DYNC2I2: variants seen among roughly 807,000 people sequenced by gnomAD.
DYNC2I2 encodes dynein 2 intermediate chain 2.
DYNC2I2 carries 39 observed loss-of-function variants against 52.0 expected under a neutral mutation model. That is an observed-to-expected ratio of 0.75 (90% CI 0.58 to 0.98). The LOEUF (loss-of-function observed/expected upper bound fraction) is 0.98. DYNC2I2 is among the 50% of genes least tolerant of loss of function. The pLI, the probability that DYNC2I2 is intolerant of heterozygous loss-of-function variation, is 0.00. For synonymous variants in DYNC2I2, 359 were observed against 321.1 expected (o/e 1.12, Z -1.26); for missense variants, 743 against 728.4 (o/e 1.02, Z -0.23).
chr9:128,679,706 G>A, the DYNC2I2 span, among the ~76,000 whole-genome samples: 1 of 151,440 alleles, frequency 6.6e-6, no homozygotes, highest in African/African-American at 2.4e-5. Flanking sequence ...GAGTGCAGTG[G>A]CGCGATCTCA....
At chr9:128,649,886 A>G (rs1190628148) in intron 1 of DYNC2I2, among the ~76,000 whole-genome samples, 1 of 52,842 alleles carries the variant, frequency 1.9e-5, no homozygotes, top group African/African-American at 3.8e-5. Flanking sequence ...TCAGCTACTA[A>G]GGAGGCTGAG....
At chr9:128,649,724 G>C (rs1489664405) in intron 1 of DYNC2I2, among the ~76,000 whole-genome samples, 2 of 124,368 alleles carry the variant, frequency 1.6e-5, no homozygotes, top group African/African-American at 7.1e-5. Flanking sequence ...GCCAGGTGCA[G>C]TGGCTCACAC....
At chr9:128,666,383 GAAAA>G in the DYNC2I2 span, among the ~76,000 whole-genome samples, 2 of 46,764 alleles carry the variant, frequency 4.3e-5, no homozygotes, top group African/African-American at 1.3e-4. Flanking sequence ...CCCTGTCTCA[GAAAA>G]AAAAAAAAAA....
the DYNC2I2 span, among the ~76,000 whole-genome samples, chr9:128,666,374 CCTGT>C: frequency 1.4e-5 from 2 of 145,392 alleles, no homozygotes; most frequent in Non-Finnish European, 3.0e-5. Context: ...AGAGTGAGAC[CCTGT>C]CTCAGAAAAA....
chr9:128,675,908 G>A, the DYNC2I2 span, among the ~76,000 whole-genome samples: 2 of 152,072 alleles, frequency 1.3e-5, no homozygotes, highest in Admixed American at 6.6e-5. Flanking sequence ...AGGAAAGGTG[G>A]GCCAGGTCCA....
chr9:128,677,510 G>T, the DYNC2I2 span, among the ~76,000 whole-genome samples: 1 of 151,676 alleles, frequency 6.6e-6, no homozygotes, highest in East Asian at 1.9e-4. Context: ...AAAACAAAAT[G>T]CACAGGCTAG....
rs748839336 is a variant in DYNC2I2, at chr9:128,656,701, G to A, written c.26C>T (p.Pro9Leu). The change falls in exon 1 of 9, where the codon CCA becomes CTA. Residue 9 changes from proline to leucine, a missense_variant. Coordinates refer to ENST00000372715, the MANE Select transcript of DYNC2I2 (RefSeq NM_052844.4). ...ACCAGCGCTTCCCGCCTGGCTGAGT[G>A]GCCCCGGCTGCGCGCGGGTTGCCAT... The part of the protein sequence containing the change: MATRAQPG[P>L]LSQAGSAGVA... 1 of 1,456,008 alleles carries A rather than the reference G, an allele frequency of 6.9e-7. No homozygotes were observed. The highest frequency in any genetic ancestry group is 2.7e-5 in the East Asian group (1 of 36,364). 90.2% of individuals were successfully genotyped at this position (1,456,008 alleles called of 1,614,324 possible). A position where few individuals can be genotyped will look rare whatever the true frequency, so the allele number is the denominator to read the frequency against.
At chr9:128,641,049 C>G in intron 1 of DYNC2I2, 110 bp from the exon 2 acceptor site, 1 of 1,439,694 alleles carries the variant, frequency 6.9e-7, no homozygotes, top group Non-Finnish European at 9.1e-7. Flanking sequence ...CTGTGGGTCT[C>G]AGGCTAGGGG....
At chr9:128,674,658 G>A in the DYNC2I2 span, among the ~76,000 whole-genome samples, 10 of 152,138 alleles carry the variant, frequency 6.6e-5, no homozygotes, top group East Asian at 9.7e-4. Flanking sequence ...CAGGAGAATC[G>A]CGTGAACCCA....
the DYNC2I2 span, among the ~76,000 whole-genome samples, chr9:128,672,946 C>A: frequency 6.6e-6 from 1 of 152,154 alleles, no homozygotes; most frequent in Non-Finnish European, 1.5e-5. Context: ...ATGGTGTGAA[C>A]CCGGGAGGCG....
the DYNC2I2 span, among the ~76,000 whole-genome samples, chr9:128,664,933 G>A: frequency 3.3e-5 from 5 of 151,492 alleles, no homozygotes; most frequent in Non-Finnish European, 7.4e-5. Flanking sequence ...AGACCAGCCT[G>A]GGCAACATAG....
chr9:128,660,902 G>A (rs1303342553), upstream of DYNC2I2, among the ~76,000 whole-genome samples: 2 of 149,536 alleles, frequency 1.3e-5, no homozygotes, highest in Non-Finnish European at 3.0e-5. Context: ...GCTAATTTTT[G>A]TATTTTTAGT....
chr9:128,678,835 C>T, the DYNC2I2 span, among the ~76,000 whole-genome samples: 6 of 151,416 alleles, frequency 4.0e-5, no homozygotes, highest in East Asian at 4.0e-4. Flanking sequence ...TTTGGGAGGT[C>T]GAGGCGAGCA....
chr9:128,640,922 G>A lies in DYNC2I2; in HGVS notation c.204C>T (p.Ala68=). Residue 68 remains alanine (A), a synonymous_variant, in exon 2 of 9, where the codon GCC becomes GCT. Coordinates refer to ENST00000372715, the MANE Select transcript of DYNC2I2 (RefSeq NM_052844.4). ...CGGATGCACTGGCAGTGGCAATGCT[G>A]GCCGTCTGGCAACTTTTCTGGGGGG... ...IRWETKSCQT[A]SIATASASAQ... 3 of 1,593,338 alleles carry A rather than the reference G, an allele frequency of 1.9e-6. No individual in the cohort carries two copies. Among genetic ancestry groups the A allele is most frequent in the South Asian group, 1.1e-5 (1 of 89,486 alleles).
the DYNC2I2 span, among the ~76,000 whole-genome samples, chr9:128,681,571 T>C: frequency 6.6e-6 from 1 of 152,216 alleles, no homozygotes; most frequent in Admixed American, 6.6e-5. Flanking sequence ...TGCATATCTG[T>C]TGGAGATGTA....
At chr9:128,664,492 T>C in the DYNC2I2 span, among the ~76,000 whole-genome samples, 1 of 145,080 alleles carries the variant, frequency 6.9e-6, no homozygotes, top group African/African-American at 2.5e-5. Context: ...TTCATTTTTC[T>C]TTTTTTTTTT....
At chr9:128,661,159 T>C (rs938939287), upstream of DYNC2I2, among the ~76,000 whole-genome samples, 1 of 150,298 alleles carries the variant, frequency 6.7e-6, no homozygotes, top group Non-Finnish European at 1.5e-5. Context: ...CTGATGAACA[T>C]GGTGAAACCC....
At chr9:128,669,553 C>T in the DYNC2I2 span, among the ~76,000 whole-genome samples, 142 of 152,206 alleles carry the variant, frequency 9.3e-4, no homozygotes, top group Non-Finnish European at 1.6e-3. Context: ...CAAAATTAGC[C>T]GGGCGTAGTG....
chr9:128,671,505 C>T, the DYNC2I2 span, among the ~76,000 whole-genome samples: 2 of 136,172 alleles, frequency 1.5e-5, no homozygotes, highest in Non-Finnish European at 3.1e-5. Flanking sequence ...GACGGAGTCT[C>T]ACTCTGTCTC....
Sources: gnomAD v4.1 joint callset for allele counts (sites outside exome capture counted in the v4.1 genomes callset) on GRCh38, gnomAD v4.1.1 for gene constraint, MANE v1.5 for transcripts, NCBI Gene and HGNC (gene_info 2026-07-23, HGNC 2026-07-21) for gene names.